EDN1: variants seen among roughly 807,000 people sequenced by gnomAD.
EDN1 encodes endothelin-1.
A neutral mutation model predicts 21.7 loss-of-function variants in EDN1; 11 were observed. The observed-to-expected ratio is 0.51, with a 90% CI of 0.32 to 0.84. EDN1 has a LOEUF of 0.84. Among genes scored for constraint, EDN1 ranks in the 40% least tolerant of loss-of-function variants. The pLI is 0.03. For synonymous variants in EDN1, 85 were observed against 90.6 expected (o/e 0.94, Z 0.35); for missense variants, 244 against 262.3 (o/e 0.93, Z 0.48).
chr6:12,273,360 T>A, the EDN1 span, among the ~76,000 whole-genome samples: 1 of 152,198 alleles, frequency 6.6e-6, no homozygotes. Flanking sequence ...TGTGGTCTTT[T>A]CTCAGTGATA....
At chr6:12,262,845 C>A in the EDN1 span, among the ~76,000 whole-genome samples, 162 of 145,978 alleles carry the variant, frequency 1.1e-3, 3 homozygotes, top group African/African-American at 3.8e-3. Context: ...GCACTCCAGT[C>A]TGGGTGATAA....
intron 4 of EDN1, among the ~76,000 whole-genome samples, chr6:12,295,235 G>C (rs1469607040): frequency 6.6e-6 from 1 of 152,080 alleles, no homozygotes; most frequent in Non-Finnish European, 1.5e-5. Flanking sequence ...AGTGTTCTGA[G>C]CTCAGGCCAG....
chr6:12,251,819 G>A, the EDN1 span, among the ~76,000 whole-genome samples: 5 of 152,172 alleles, frequency 3.3e-5, no homozygotes, highest in African/African-American at 1.2e-4. Context: ...GTGCGTGCCT[G>A]AGGGTCTTTC....
chr6:12,236,402 C>T, the EDN1 span, among the ~76,000 whole-genome samples: 11 of 152,124 alleles, frequency 7.2e-5, no homozygotes, highest in African/African-American at 2.4e-4. Flanking sequence ...GGACTACAGG[C>T]GTGTGCCACC....
chr6:12,268,389 C>T, the EDN1 span, among the ~76,000 whole-genome samples: 2 of 151,972 alleles, frequency 1.3e-5, no homozygotes, highest in African/African-American at 2.4e-5. Flanking sequence ...AAATCCTTGC[C>T]CAGACAAATA....
the EDN1 span, among the ~76,000 whole-genome samples, chr6:12,243,993 G>A: frequency 6.6e-6 from 1 of 152,044 alleles, no homozygotes; most frequent in East Asian, 1.9e-4. Flanking sequence ...CAGACTATAA[G>A]TTAAGACTTG....
the EDN1 span, among the ~76,000 whole-genome samples, chr6:12,236,306 G>A: frequency 1.3e-5 from 2 of 151,268 alleles, no homozygotes; most frequent in South Asian, 4.2e-4. Context: ...TTTTTAGAAG[G>A]CATCTCGTTC....
At chr6:12,248,808 C>A in the EDN1 span, among the ~76,000 whole-genome samples, 1 of 152,172 alleles carries the variant, frequency 6.6e-6, no homozygotes, top group African/African-American at 2.4e-5. Flanking sequence ...ATTTTTCTTA[C>A]ACCACCACTG....
chr6:12,270,842 G>C, the EDN1 span, among the ~76,000 whole-genome samples: 1 of 152,158 alleles, frequency 6.6e-6, no homozygotes, highest in African/African-American at 2.4e-5. Context: ...TTTCTGTCTG[G>C]ATGATCTGTC....
rs140854546 is a variant in EDN1, at chr6:12,294,021, G to A, written c.314G>A (p.Arg105His). 5.0e-5 allele frequency: 81 copies of A among 1,614,206 alleles called. No individual in the cohort carries two copies. The highest frequency in any genetic ancestry group is 3.1e-4 in the East Asian group (14 of 44,874). Reference protein sequence around the residue: ...ENLLPTKATDRENRCQCASQK... With the variant: ...ENLLPTKATDHENRCQCASQK... ...TTACTTCCCACAAAGGCAACAGACC[G>A]TGAAAATAGATGCCAATGTGCTAGC... The change falls in exon 3 of 5, where the codon CGT becomes CAT. Residue 105 changes from arginine to histidine, a missense_variant. By Grantham distance (29) the Arg-to-His change is conservative. Transcript: ENST00000379375.
chr6:12,248,246 G>A, the EDN1 span, among the ~76,000 whole-genome samples: 1 of 152,192 alleles, frequency 6.6e-6, no homozygotes, highest in African/African-American at 2.4e-5. Flanking sequence ...GAGCAAGAAG[G>A]AGGCTGTCTG....
the EDN1 span, among the ~76,000 whole-genome samples, chr6:12,233,606 G>A: frequency 6.6e-5 from 10 of 152,106 alleles, no homozygotes; most frequent in Admixed American, 5.2e-4. Flanking sequence ...ATACAGAGCC[G>A]ACCGCATGGG....
chr6:12,274,982 T>TTCCC, the EDN1 span, among the ~76,000 whole-genome samples: 17,986 of 139,850 alleles, frequency 0.13, 1,264 homozygotes, highest in South Asian at 0.25. Flanking sequence ...TGCTCCTTCC[T>TTCCC]TCCCTCCCTC....
the EDN1 span, among the ~76,000 whole-genome samples, chr6:12,243,946 C>G: frequency 6.6e-6 from 1 of 151,984 alleles, no homozygotes; most frequent in Non-Finnish European, 1.5e-5. Context: ...GTGATGGAAA[C>G]TTTCTCTTTT....
At position 12,294,014 on chromosome 6, in the gene EDN1, A is replaced by G. The variant is rs750339407; in HGVS notation, c.307A>G (p.Thr103Ala). The G allele has an allele frequency of 1.9e-6, 3 of 1,614,138 alleles. No homozygotes were observed. The highest frequency in any genetic ancestry group is 2.7e-5 in the African/African-American group (2 of 74,952). The change falls in exon 3 of 5, where the codon ACA (threonine) becomes GCA (alanine). Residue 103 changes from threonine to alanine, a missense_variant. Coordinates refer to ENST00000379375, the MANE Select transcript of EDN1 (RefSeq NM_001955.5). Reference sequence around the variant, plus strand: ...GGAGAATTTACTTCCCACAAAGGCAACAGACCGTGAAAATAGATGCCAATG... The same window carrying G: ...GGAGAATTTACTTCCCACAAAGGCAGCAGACCGTGAAAATAGATGCCAATG... ...ALENLLPTKA[T>A]DRENRCQCAS...
the EDN1 span, among the ~76,000 whole-genome samples, chr6:12,277,766 T>G: frequency 6.6e-6 from 1 of 152,178 alleles, no homozygotes; most frequent in African/African-American, 2.4e-5. Context: ...GTGATAGACA[T>G]CAAGGGCCTC....
chr6:12,294,102 C>T lies in EDN1; in HGVS notation c.389+6C>T. On this transcript the variant is annotated splice_donor_region_variant and intron_variant, in intron 3 of 4. Coordinates refer to ENST00000379375, the MANE Select transcript of EDN1 (RefSeq NM_001955.5). ...CAAGCAGGAAAAGAACTCAGGTGAG[C>T]AGAAACACCTTTGCTTTTCAATCAG... 1 of 1,614,136 alleles carries T rather than the reference C, an allele frequency of 6.2e-7. No homozygotes were observed. The highest frequency in any genetic ancestry group is 8.5e-7 in the Non-Finnish European group (1 of 1,180,040).
At chr6:12,268,387 G>T in the EDN1 span, among the ~76,000 whole-genome samples, 2 of 151,962 alleles carry the variant, frequency 1.3e-5, no homozygotes, top group Non-Finnish European at 2.9e-5. Context: ...AAAAATCCTT[G>T]CCCAGACAAA....
chr6:12,268,250 A>T, the EDN1 span, among the ~76,000 whole-genome samples: 2 of 152,212 alleles, frequency 1.3e-5, no homozygotes, highest in African/African-American at 4.8e-5. Flanking sequence ...GCTTCCATAG[A>T]CAGCGATTCC....
Sources: gnomAD v4.1 joint callset for allele counts (sites outside exome capture counted in the v4.1 genomes callset) on GRCh38, gnomAD v4.1.1 for gene constraint, MANE v1.5 for transcripts, NCBI Gene and HGNC (gene_info 2026-07-23, HGNC 2026-07-21) for gene names.